PUM3: variants seen among roughly 807,000 people sequenced by gnomAD.
The protein encoded by PUM3 is pumilio homolog 3.
PUM3 carries 91 observed loss-of-function variants against 84.0 expected under a neutral mutation model. The ratio of observed to expected loss-of-function variants is 1.08; its 90% CI spans 0.91 to 1.29. The LOEUF (loss-of-function observed/expected upper bound fraction) is 1.29. PUM3 is among the 50% of genes most tolerant of loss of function. The pLI is 0.00. For missense variants in PUM3, 1,067 were observed against 767.5 expected, an observed-to-expected ratio of 1.39 and a Z score of -4.61; for synonymous variants, 321 against 266.7, an observed-to-expected ratio of 1.20 and a Z score of -1.98.
intron 17 of PUM3, among the ~76,000 whole-genome samples, chr9:2,804,966 C>T (rs1821231111): frequency 6.6e-6 from 1 of 152,196 alleles, no homozygotes; most frequent in East Asian, 1.9e-4. Flanking sequence ...CTGAACTCCA[C>T]AGCACTAACA....
intron 13 of PUM3, among the ~76,000 whole-genome samples, chr9:2,815,931 TC>T (rs1233715173): frequency 6.6e-6 from 1 of 152,248 alleles, no homozygotes; most frequent in Non-Finnish European, 1.5e-5. Context: ...TCTGAAGACA[TC>T]TTTGGCCAGT....
At chr9:2,827,245 C>T (rs1815847569) in intron 9 of PUM3, 94 bp from the exon 10 acceptor site, 2 of 794,594 alleles carry the variant, frequency 2.5e-6, no homozygotes, top group Non-Finnish European at 4.0e-6. Flanking sequence ...GTAATCTAAA[C>T]AAGTGAAATG....
Position 2,837,315 on chromosome 9 carries a change from T to C in PUM3, c.169A>G (p.Ile57Val), listed in dbSNP as rs376378791. 131 of 1,613,942 alleles carry C rather than the reference T, an allele frequency of 8.1e-5. No homozygotes were observed. In the Admixed American group the frequency reaches 1.1e-3, roughly 13 times the overall value. Reference protein sequence around the residue: ...KVTSRNFEKSITKLGKKGVKQ... With the variant: ...KVTSRNFEKSVTKLGKKGVKQ... ...ACACCCTTTTTCCCAAGTTTTGTGA[T>C]ACTTTTCTCAAAGTTCCTAGATGTG... The change falls in exon 3 of 18, where the codon ATC becomes GTC. Residue 57 changes from isoleucine to valine, a missense_variant. Coordinates refer to ENST00000397885, the MANE Select transcript of PUM3 (RefSeq NM_014878.5).
intron 17 of PUM3, among the ~76,000 whole-genome samples, chr9:2,806,780 C>T (rs1451396973): frequency 1.3e-5 from 2 of 152,186 alleles, no homozygotes; most frequent in Non-Finnish European, 2.9e-5. Flanking sequence ...ACAAATAGCA[C>T]ACACACTTCA....
chr9:2,831,468 C>A (rs1404626448), intron 5 of PUM3, 124 bp from the exon 6 acceptor site: 7 of 662,668 alleles, frequency 1.1e-5, no homozygotes, highest in African/African-American at 3.7e-5. Context: ...TAAAATCAAA[C>A]CTAGATTACT....
intron 13 of PUM3, among the ~76,000 whole-genome samples, chr9:2,817,080 G>A (rs921846133): frequency 2.0e-5 from 3 of 152,218 alleles, no homozygotes; most frequent in Non-Finnish European, 4.4e-5. Flanking sequence ...ATTCTGCTAA[G>A]TGCCTTAGAG....
chr9:2,830,617 T>A (rs1015462685), intron 7 of PUM3, among the ~76,000 whole-genome samples: 4 of 152,186 alleles, frequency 2.6e-5, no homozygotes, highest in African/African-American at 9.7e-5. Flanking sequence ...ACAATACCAG[T>A]CTACTTCAAA....
intron 15 of PUM3, among the ~76,000 whole-genome samples, chr9:2,811,111 C>A (rs1012661203): frequency 6.6e-6 from 1 of 152,204 alleles, no homozygotes; most frequent in Non-Finnish European, 1.5e-5. Context: ...GCACCTTGGG[C>A]ACTCAATACT....
Position 2,833,374 on chromosome 9 carries a change from G to C in PUM3, c.499C>G (p.Gln167Glu). The change falls in exon 5 of 18, where the codon CAA becomes GAA. Residue 167 changes from glutamine (Q) to glutamate (E), a missense_variant. Transcript: ENST00000397885. ...KLMSDLQKLI[Q>E]GKIKTIAFAH... ...CTACTTACAGTTTTAATTTTCCCTT[G>C]AATCAACTTCTGCAAATCACTCATT... 1 of 1,587,846 alleles carries C rather than the reference G, an allele frequency of 6.3e-7. No homozygotes were observed. The highest frequency in any genetic ancestry group is 1.1e-5 in the South Asian group (1 of 89,514).
At chr9:2,842,278 A>G (rs929708981) in intron 1 of PUM3, among the ~76,000 whole-genome samples, 3 of 152,052 alleles carry the variant, frequency 2.0e-5, no homozygotes, top group African/African-American at 7.3e-5. Flanking sequence ...TTTAGATCCT[A>G]TCTGCTTTGA....
Position 2,811,436 on chromosome 9 carries a change from T to C in PUM3, c.1560A>G (p.Gly520=), listed in dbSNP as rs1212872403. 6.2e-7 allele frequency: 1 copy of C among 1,614,202 alleles called. No individual in the cohort carries two copies. The highest frequency in any genetic ancestry group is 1.1e-5 in the South Asian group (1 of 91,084). ...LVSDILGSAT[G]DVQPTMNAIA... The stretch of plus-strand genomic sequence containing the variant: ...TGGCATTCATGGTAGGCTGAACGTC[T>C]CCAGTGGCAGATCCCAGAATGTCAG... Residue 520 remains glycine (G), a synonymous_variant, in exon 15 of 18, where the codon GGA becomes GGG. Transcript: ENST00000397885.
At chr9:2,810,224 C>A (rs1821337386) in intron 16 of PUM3, 120 bp downstream of exon 16, 3 of 664,918 alleles carry the variant, frequency 4.5e-6, no homozygotes, top group Non-Finnish European at 8.0e-6. Context: ...TCACAGACAC[C>A]ATTTCTAGAC....
Position 2,844,091 on chromosome 9 carries a change from T to C in PUM3, c.-57A>G, listed in dbSNP as rs1213298125. The C allele has an allele frequency of 6.2e-6, 1 of 161,600 alleles. No individual in the cohort carries two copies. The highest frequency in any genetic ancestry group is 2.4e-5 in the African/African-American group (1 of 41,424). 10.0% of individuals were successfully genotyped at this position (161,600 alleles called of 1,614,324 possible). A position where few individuals can be genotyped will look rare whatever the true frequency, so the allele number is the denominator to read the frequency against. On this transcript the variant is annotated 5_prime_UTR_variant, in exon 1 of 18. Coordinates refer to ENST00000397885, the MANE Select transcript of PUM3 (RefSeq NM_014878.5). ...GCTCGCGCAGCGGATCCCGACCGCC[T>C]CTCCGCTTCCGCTTCCTTGCCTTGC...
rs576585395 is a variant in PUM3, at chr9:2,811,493, C to G, written c.1503G>C (p.Val501=). The change falls in exon 15 of 18, where the codon GTG becomes GTC. Residue 501 remains valine, a synonymous_variant. Coordinates refer to ENST00000397885, the MANE Select transcript of PUM3 (RefSeq NM_014878.5). ...LSYLQEHAQE[V]VLDKSACVLV... is the part of the protein sequence containing the mutation. ...ACACACACGCAGACTTATCTAGCAC[C>G]ACTTCTTGGGCGTGTTCTTGCAGGT... 7 of 1,614,030 alleles carry G rather than the reference C, an allele frequency of 4.3e-6. No individual in the cohort carries two copies. The highest frequency in any genetic ancestry group is 1.3e-5 in the African/African-American group (1 of 74,920).
chr9:2,838,524 A>G lies in PUM3; in HGVS notation c.-10-7T>C, dbSNP rs1816190786. The G allele has an allele frequency of 6.6e-7, 1 of 1,512,340 alleles. No homozygotes were observed. The highest frequency in any genetic ancestry group is 9.2e-7 in the Non-Finnish European group (1 of 1,087,512). The allele number at this position is 1,512,340 out of a possible 1,614,324, so 93.7% of individuals were successfully genotyped here. The stretch of plus-strand genomic sequence containing the variant: ...AACTTCCATCGTAGCAACTCTGGAA[A>G]ACCAAAACCAAAACCAAAAACAATC... On this transcript the variant is annotated splice_polypyrimidine_tract_variant and splice_region_variant and intron_variant, in intron 1 of 17. Coordinates refer to ENST00000397885, the MANE Select transcript of PUM3 (RefSeq NM_014878.5).
chr9:2,819,048 C>A (rs1212297580), intron 13 of PUM3, among the ~76,000 whole-genome samples: 1 of 152,166 alleles, frequency 6.6e-6, no homozygotes. Context: ...TTATGTATAT[C>A]AAACAGAAAG....
At chr9:2,830,904 G>A (rs1252224130) in intron 7 of PUM3, 58 bp downstream of exon 7, 16 of 877,684 alleles carry the variant, frequency 1.8e-5, no homozygotes, top group Non-Finnish European at 2.4e-5. Context: ...GAGCACAGTT[G>A]GAAACCATGT....
At chr9:2,821,959 T>C (rs890031604) in intron 12 of PUM3, among the ~76,000 whole-genome samples, 4 of 152,174 alleles carry the variant, frequency 2.6e-5, no homozygotes, top group Non-Finnish European at 4.4e-5. Context: ...TGTATGTATA[T>C]TGAAATAAAA....
In PUM3 at chr9:2,833,338, A is replaced by G. The variant is rs535123393; in HGVS notation, c.516+19T>C. 1.5e-5 allele frequency: 21 copies of G among 1,395,444 alleles called. No individual in the cohort carries two copies. In the African/African-American group the frequency reaches 1.9e-4, roughly 12 times the overall value. 86.4% of individuals were successfully genotyped at this position (1,395,444 alleles called of 1,614,324 possible). A position where few individuals can be genotyped will look rare whatever the true frequency, so the allele number is the denominator to read the frequency against. On this transcript the variant is annotated intron_variant, in intron 5 of 17. Transcript: ENST00000397885. ...ACTTCAACTGTTAAAAATTGCAACA[A>G]TGAGTATATGCTACTTACAGTTTTA...
Sources: allele counts gnomAD v4.1 joint callset (sites outside exome capture counted in the v4.1 genomes callset), GRCh38; gene constraint gnomAD v4.1.1; transcripts MANE v1.5; gene names NCBI Gene and HGNC (gene_info 2026-07-23, HGNC 2026-07-21).